TLL2: variants seen among roughly 807,000 people sequenced by gnomAD.
TLL2 encodes the protein tolloid-like protein 2.
TLL2 carries 106 observed loss-of-function variants against 123.0 expected under a neutral mutation model. The observed-to-expected ratio is 0.86, with a 90% CI of 0.74 to 1.01. TLL2 has a LOEUF of 1.01. TLL2 is among the 50% of genes least tolerant of loss of function. The pLI is 0.00. For missense variants in TLL2, 1,332 were observed against 1,336.7 expected (o/e 1.00, Z 0.06); for synonymous variants, 494 against 516.8 (o/e 0.96, Z 0.60).
rs1464759357 is a variant in TLL2 at position 96,400,589 on chromosome 10, C to A, written c.1268-3287G>T. The stretch of plus-strand genomic sequence containing the variant: ...TTTGACTCACTGCATCATTTCTGCT[C>A]ATTTGGGAGGCTGCCCCTGGCTAGG... On this transcript the variant is annotated intron_variant, in intron 10 of 20. Transcript: ENST00000357947. Among the ~76,000 whole-genome samples the A allele has an allele frequency of 2.6e-5, 4 of 152,168 alleles. No homozygotes were observed. The East Asian group carries it at 7.7e-4, about 29-fold the overall frequency.
At chr10:96,471,764 G>A (rs1847186434) in intron 2 of TLL2, among the ~76,000 whole-genome samples, 1 of 152,126 alleles carries the variant, frequency 6.6e-6, no homozygotes, top group African/African-American at 2.4e-5. Flanking sequence ...CCACACTGCA[G>A]CCCTCCAAGG....
At chr10:96,497,723 C>T (rs779259188) in intron 1 of TLL2, among the ~76,000 whole-genome samples, 2 of 151,232 alleles carry the variant, frequency 1.3e-5, no homozygotes, top group Non-Finnish European at 3.0e-5. Context: ...GTTCCCTTAA[C>T]CCTGCATCTC....
At chr10:96,427,435 G>A (rs1380961498) in intron 5 of TLL2, among the ~76,000 whole-genome samples, 9 of 152,146 alleles carry the variant, frequency 5.9e-5, no homozygotes, top group Middle Eastern at 3.2e-3. Context: ...ATTAAGTCTC[G>A]TGCTACTGAG....
chr10:96,413,298 G>A lies in TLL2; in HGVS notation c.942C>T (p.Thr314=). The A allele has an allele frequency of 6.2e-7, 1 of 1,613,874 alleles. No individual in the cohort carries two copies. The highest frequency in any genetic ancestry group is 8.5e-7 in the Non-Finnish European group (1 of 1,179,796). ...CATTGTCATCTTGACGGGGAAGGATGGTGTCTAAGAAAACTCCTCTACAGG... is the reference window on the plus strand; with the variant it reads ...CATTGTCATCTTGACGGGGAAGGATAGTGTCTAAGAAAACTCCTCTACAGG... ...NTFSRGVFLD[T]ILPRQDDNGV... is the part of the protein sequence containing the mutation. The change falls in exon 8 of 21, where the codon ACC becomes ACT. Residue 314 remains threonine, a synonymous_variant. Transcript: ENST00000357947.
chr10:96,377,667 C>T (rs1001949073), intron 17 of TLL2, among the ~76,000 whole-genome samples: 1 of 152,206 alleles, frequency 6.6e-6, no homozygotes, highest in African/African-American at 2.4e-5. Flanking sequence ...AACACGGAGG[C>T]TCCACACTGA....
chr10:96,483,370 G>C (rs11188785), intron 1 of TLL2, among the ~76,000 whole-genome samples: 132,189 of 152,228 alleles, frequency 0.87, 57,409 homozygotes, highest in Middle Eastern at 0.97. Flanking sequence ...ATGAAGGAAC[G>C]TTCCCCATCC....
intron 11 of TLL2, among the ~76,000 whole-genome samples, chr10:96,396,344 T>C (rs962302508): frequency 2.2e-4 from 34 of 152,324 alleles, no homozygotes; most frequent in African/African-American, 7.7e-4. Context: ...CCAGTGGGTG[T>C]TGGGGAGCGC....
intron 3 of TLL2, among the ~76,000 whole-genome samples, chr10:96,438,097 T>G (rs1349972184): frequency 6.6e-6 from 1 of 152,204 alleles, no homozygotes; most frequent in Non-Finnish European, 1.5e-5. Flanking sequence ...TTTAGTTGTC[T>G]TTCCATATAA....
chr10:96,396,581 CTTT>C (rs1177349566), intron 11 of TLL2, among the ~76,000 whole-genome samples: 3 of 125,378 alleles, frequency 2.4e-5, no homozygotes, highest in African/African-American at 3.1e-5. Context: ...TTTCCCCTTT[CTTT>C]TTTTTTTTTT....
chr10:96,487,530 C>T (rs754021473), intron 1 of TLL2, among the ~76,000 whole-genome samples: 13 of 152,070 alleles, frequency 8.5e-5, no homozygotes, highest in Non-Finnish European at 1.6e-4. Context: ...CAGCACACGC[C>T]AGGCATTGGC....
At position 96,396,806 on chromosome 10, in the gene TLL2, A is replaced by G. The variant is rs1282696288; in HGVS notation, c.1384+380T>C. ...CCAAAGTCTTCTTTTCACAAAGGAA[A>G]CAAACAGAGGCCTAGAGAGGTCAGA... On this transcript the variant is annotated intron_variant, in intron 11 of 20. Coordinates refer to ENST00000357947, the MANE Select transcript of TLL2 (RefSeq NM_012465.4). Among the ~76,000 whole-genome samples the G allele has an allele frequency of 2.0e-5, 3 of 152,222 alleles. No homozygotes were observed. In the East Asian group the frequency reaches 5.8e-4, roughly 29 times the overall value.
intron 1 of TLL2, among the ~76,000 whole-genome samples, chr10:96,497,222 A>C (rs1467304643): frequency 6.6e-6 from 1 of 152,136 alleles, no homozygotes; most frequent in Admixed American, 6.6e-5. Context: ...CCTGTGAGGC[A>C]GAGGTTGCAG....
intron 1 of TLL2, among the ~76,000 whole-genome samples, chr10:96,503,720 A>C (rs1847554997): frequency 3.3e-5 from 5 of 152,190 alleles, no homozygotes; most frequent in Admixed American, 2.6e-4. Context: ...GCATTTTGAC[A>C]CCTGGTATTA....
intron 8 of TLL2, among the ~76,000 whole-genome samples, chr10:96,412,242 C>T (rs775253231): frequency 3.9e-5 from 6 of 152,266 alleles, no homozygotes; most frequent in African/African-American, 1.2e-4. Context: ...TTGCATCCCT[C>T]GGGTCCTGCT....
intron 2 of TLL2, among the ~76,000 whole-genome samples, chr10:96,446,871 C>T (rs1162344948): frequency 1.3e-5 from 2 of 152,200 alleles, no homozygotes; most frequent in East Asian, 3.8e-4. Context: ...TTCCAGGCAC[C>T]ATGGATCCAG....
At chr10:96,370,040 CG>C (rs1564891877) in intron 20 of TLL2, 24 bp downstream of exon 20, 4 of 1,543,602 alleles carry the variant, frequency 2.6e-6, no homozygotes, top group Non-Finnish European at 3.5e-6. Context: ...CACTCTGCCC[CG>C]GCCCCAGCGT....
chr10:96,468,907 G>C (rs1847153533), intron 2 of TLL2, among the ~76,000 whole-genome samples: 1 of 152,260 alleles, frequency 6.6e-6, no homozygotes, highest in Non-Finnish European at 1.5e-5. Flanking sequence ...GTATAAGTCA[G>C]CCCCTGAATG....
chr10:96,405,377 G>A (rs1846440097), intron 9 of TLL2, 43 bp from the exon 10 acceptor site: 2 of 1,590,182 alleles, frequency 1.3e-6, no homozygotes, highest in Non-Finnish European at 1.7e-6. Context: ...AGCAAAGCCT[G>A]AGGAGTTTGG....
chr10:96,380,770 A>G (rs1395318460), intron 16 of TLL2, among the ~76,000 whole-genome samples: 1 of 145,854 alleles, frequency 6.9e-6, no homozygotes, highest in African/African-American at 2.5e-5. Context: ...CTGTAATCCC[A>G]GCACTTTGGG....
Sources: gnomAD v4.1 joint callset for allele counts (sites outside exome capture counted in the v4.1 genomes callset) on GRCh38, gnomAD v4.1.1 for gene constraint, MANE v1.5 for transcripts, NCBI Gene and HGNC (gene_info 2026-07-23, HGNC 2026-07-21) for gene names.